MATR3: variants seen among roughly 807,000 people sequenced by gnomAD.
MATR3 encodes the protein matrin-3.
A neutral mutation model predicts 85.5 loss-of-function variants in MATR3; 4 were observed. The observed-to-expected ratio is 0.05, with a 90% confidence interval of 0.02 to 0.11. The LOEUF is 0.11. Among genes scored for constraint, MATR3 ranks in the 10% least tolerant of loss-of-function variants. MATR3 has a pLI of 1.00. For synonymous variants in MATR3, 336 were observed against 343.1 expected (o/e 0.98, Z 0.23); for missense variants, 685 against 1,016.1 (o/e 0.67, Z 4.43).
chr5:139,324,624 TTGAG>T (rs1178563441), intron 12 of MATR3, among the ~76,000 whole-genome samples: 1 of 152,098 alleles, frequency 6.6e-6, no homozygotes, highest in Non-Finnish European at 1.5e-5. Context: ...ATTACACTGT[TTGAG>T]TATTTGCTCT....
At chr5:139,280,329 G>C (rs1194328541) in intron 3 of MATR3, among the ~76,000 whole-genome samples, 1 of 152,214 alleles carries the variant, frequency 6.6e-6, no homozygotes, top group African/African-American at 2.4e-5. Context: ...GCCAACCTCT[G>C]TCCTGGAGAA....
chr5:139,321,724 A>T (rs1755581665), intron 9 of MATR3, 174 bp from the exon 10 acceptor site: 1 of 659,354 alleles, frequency 1.5e-6, no homozygotes, highest in Non-Finnish European at 2.6e-6. Flanking sequence ...TCAACGCTTC[A>T]GCAAGCCAGG....
intron 1 of MATR3, chr5:139,276,063 C>T (rs1399728467): frequency 3.5e-5 from 16 of 456,618 alleles, no homozygotes; most frequent in Middle Eastern, 6.5e-4. Flanking sequence ...AGGGGAGGGA[C>T]TCTGAGCTGC....
At position 139,331,623 on chromosome 5, in the gene MATR3, A is replaced by G. The variant is rs1756154412; in HGVS notation, c.*2228A>G. The stretch of plus-strand genomic sequence containing the variant: ...TTTTCCTACGGCTATGTCAGCCCTT[A>G]GTTTAATCTTACATTATCCTACAAA... On this transcript the variant is annotated 3_prime_UTR_variant, in exon 15 of 15. Transcript: ENST00000394805. 1 of 453,890 alleles carries G rather than the reference A, an allele frequency of 2.2e-6. No homozygotes were observed. The highest frequency in any genetic ancestry group is 4.4e-6 in the Non-Finnish European group (1 of 226,746). 28.1% of individuals were successfully genotyped at this position (453,890 alleles called of 1,614,324 possible).
intron 3 of MATR3, chr5:139,280,830 GA>G (rs1433752315): frequency 1.4e-5 from 1 of 71,644 alleles, no homozygotes; most frequent in African/African-American, 7.2e-5. Context: ...CTTGAAAATA[GA>G]TAATTCATTG....
chr5:139,316,258 T>A, intron 5 of MATR3, 70 bp downstream of exon 5: 1 of 1,173,884 alleles, frequency 8.5e-7, no homozygotes, highest in Non-Finnish European at 1.3e-6. Context: ...TTTATTTATT[T>A]ATTTGAGATG....
intron 1 of MATR3, among the ~76,000 whole-genome samples, chr5:139,295,279 C>G (rs2151923167): frequency 6.6e-6 from 1 of 152,302 alleles, no homozygotes; most frequent in East Asian, 1.9e-4. Flanking sequence ...CAAAAACGCT[C>G]TGGATGATGC....
At chr5:139,322,066 G>C (rs996850807) in intron 10 of MATR3, 37 bp downstream of exon 10, 1 of 1,605,972 alleles carries the variant, frequency 6.2e-7, no homozygotes, top group African/African-American at 1.3e-5. Flanking sequence ...TTAACAGCTT[G>C]TTTTTACATA....
chr5:139,279,019 A>T, intron 2 of MATR3: 1 of 509,352 alleles, frequency 2.0e-6, no homozygotes, highest in Non-Finnish European at 3.9e-6. Flanking sequence ...TCTTAGGGAC[A>T]GCCTGTCATT....
intron 1 of MATR3, among the ~76,000 whole-genome samples, chr5:139,301,633 C>T: frequency 6.6e-6 from 1 of 151,958 alleles, no homozygotes; most frequent in East Asian, 1.9e-4. Context: ...AGAATGGAGC[C>T]TTGAAAGAAA....
chr5:139,284,516 G>A (rs1266162396), intron 3 of MATR3, among the ~76,000 whole-genome samples: 2 of 152,024 alleles, frequency 1.3e-5, no homozygotes, highest in African/African-American at 4.8e-5. Flanking sequence ...GCTGAGGCAC[G>A]AGAATCGCTT....
chr5:139,277,322 T>G (rs989463873), intron 2 of MATR3, among the ~76,000 whole-genome samples: 4 of 152,022 alleles, frequency 2.6e-5, no homozygotes, highest in Non-Finnish European at 5.9e-5. Flanking sequence ...ATGCTAATCT[T>G]TTGAGAAGAG....
chr5:139,286,950 G>A (rs578220295), intron 3 of MATR3, among the ~76,000 whole-genome samples: 5 of 152,296 alleles, frequency 3.3e-5, no homozygotes, highest in African/African-American at 1.2e-4. Flanking sequence ...CATGAGAGCA[G>A]AGACCTTTTA....
chr5:139,321,806 A>G, intron 9 of MATR3, 92 bp from the exon 10 acceptor site: 1 of 1,350,468 alleles, frequency 7.4e-7, no homozygotes. Flanking sequence ...AGTAATGAAA[A>G]TTTTCTAACC....
rs367924183 is a variant in MATR3, at chr5:139,307,946, T to C, written c.531T>C (p.Asp177=). ...REPPYRVPRD[D]WEEKRHFRRD... is the part of the protein sequence containing the mutation. ...CACCATACAGAGTACCTAGGGATGA[T>C]TGGGAAGAAAAAAGGCACTTTAGAA... The change falls in exon 2 of 15, where the codon GAT becomes GAC. Residue 177 remains aspartate, a synonymous_variant. Coordinates refer to ENST00000394805, the MANE Select transcript of MATR3 (RefSeq NM_018834.6). This position sits in a 1 kb window ranked among gnomAD's most constrained non-coding sequence, Gnocchi z 4.4. 16 of 1,614,052 alleles carry C rather than the reference T, an allele frequency of 9.9e-6. No homozygotes were observed. In the African/African-American group the frequency reaches 1.3e-4, roughly 13 times the overall value.
At chr5:139,304,317 A>G (rs776494006) in intron 1 of MATR3, among the ~76,000 whole-genome samples, 3 of 152,206 alleles carry the variant, frequency 2.0e-5, no homozygotes, top group Admixed American at 6.5e-5. Context: ...CCTGACCAAC[A>G]TGGAGAAACC....
Position 139,322,890 on chromosome 5 carries a change from G to C in MATR3, c.2071G>C (p.Gly691Arg), listed in dbSNP as rs1308430347. Residue 691 changes from glycine to arginine, a missense_variant, in exon 12 of 15, where the codon GGG (glycine) becomes CGG (arginine). Physicochemically the swap from Gly to Arg is moderately radical, Grantham distance 125. This residue lies in a region of MATR3 where 215 missense variants were observed against 194.7 expected (regional missense o/e 1.10). Transcript: ENST00000394805. ...TAATTTAGGTGATGTGGCTTCTGAT[G>C]GGAAAAAGGAACCATCAGATAAAGC... Reference protein sequence around the residue: ...LANLGDVASDGKKEPSDKAVK... With the variant: ...LANLGDVASDRKKEPSDKAVK... The C allele has an allele frequency of 1.2e-6, 2 of 1,613,530 alleles. No individual in the cohort carries two copies. Among genetic ancestry groups the C allele is most frequent in the African/African-American group, 1.3e-5 (1 of 74,888 alleles).
At chr5:139,321,403 C>T (rs933042387) in intron 9 of MATR3, among the ~76,000 whole-genome samples, 8 of 152,158 alleles carry the variant, frequency 5.3e-5, no homozygotes, top group African/African-American at 1.9e-4. Flanking sequence ...AGCCACCCGC[C>T]TTGGCCTCCC....
At chr5:139,324,506 G>A (rs1048203188) in intron 12 of MATR3, among the ~76,000 whole-genome samples, 4 of 152,022 alleles carry the variant, frequency 2.6e-5, no homozygotes, top group Non-Finnish European at 4.4e-5. Context: ...GGCCTGGCTG[G>A]TATTGAACTC....
Sources: gnomAD v4.1 joint callset for allele counts (sites outside exome capture counted in the v4.1 genomes callset) on GRCh38, gnomAD v4.1.1 for gene constraint, gnomAD v4.1.1 regional missense constraint, Gnocchi (gnomAD v3.1) non-coding constraint, MANE v1.5 for transcripts, NCBI Gene and HGNC (gene_info 2026-07-23, HGNC 2026-07-21) for gene names.